Variants in ADAMTS3 observed in about 807,000 individuals in gnomAD.
The protein encoded by ADAMTS3 is ADAM metallopeptidase with thrombospondin type 1 motif 3, also known as A disintegrin and metalloproteinase with thrombospondin motifs 3.
In ADAMTS3, 73 loss-of-function variants were observed where a neutral mutation model predicts 129.0. That is an observed-to-expected ratio of 0.57 (90% CI 0.47 to 0.69). The LOEUF is 0.69. Ranked by LOEUF, ADAMTS3 falls within the 30% of genes least tolerant of loss-of-function variation. The pLI, the probability that ADAMTS3 is intolerant of heterozygous loss-of-function variation, is 0.00. For synonymous variants in ADAMTS3, 477 were observed against 510.8 expected (o/e 0.93, Z 0.89); for missense variants, 1,457 against 1,514.5 (o/e 0.96, Z 0.63).
intron 4 of ADAMTS3, among the ~76,000 whole-genome samples, chr4:72,398,221 C>CA (rs1033348479): frequency 2.6e-5 from 4 of 151,764 alleles, no homozygotes; most frequent in South Asian, 2.1e-4. Context: ...GGGTGCAAAA[C>CA]AAAAAATGTT....
At chr4:72,458,526 G>T (rs1718684267) in intron 3 of ADAMTS3, among the ~76,000 whole-genome samples, 3 of 151,520 alleles carry the variant, frequency 2.0e-5, no homozygotes, top group Non-Finnish European at 4.4e-5. Context: ...AGATGACAAG[G>T]TTTTAAGAAT....
At chr4:72,370,920 T>C (rs565417230) in intron 4 of ADAMTS3, among the ~76,000 whole-genome samples, 1 of 152,356 alleles carries the variant, frequency 6.6e-6, no homozygotes, top group South Asian at 2.1e-4. Context: ...GTGTCATTAC[T>C]GATGTACGCA....
chr4:72,319,766 G>A, intron 8 of ADAMTS3, 92 bp downstream of exon 8: 1 of 1,048,838 alleles, frequency 9.5e-7, no homozygotes, highest in Admixed American at 2.0e-5. Context: ...ATTGTATGCT[G>A]GCATGCATTC....
chr4:72,378,676 T>A (rs542978201), intron 4 of ADAMTS3, among the ~76,000 whole-genome samples: 4 of 152,164 alleles, frequency 2.6e-5, no homozygotes, highest in Admixed American at 2.6e-4. Flanking sequence ...ACAGAAGTTA[T>A]AATGATTATC....
intron 3 of ADAMTS3, among the ~76,000 whole-genome samples, chr4:72,501,155 C>T (rs1207756688): frequency 1.3e-5 from 2 of 152,062 alleles, no homozygotes; most frequent in Non-Finnish European, 2.9e-5. Context: ...TGAAAAATGA[C>T]ATTGGTAGCT....
rs1434751342 is a variant in ADAMTS3 at position 72,425,233 on chromosome 4, T to C, written c.505-10262A>G. 2.0e-5 allele frequency among the ~76,000 whole-genome samples: 3 copies of C among 152,196 alleles called. No individual in the cohort carries two copies. In the East Asian group the frequency reaches 5.8e-4, roughly 29 times the overall value. On this transcript the variant is annotated intron_variant, in intron 3 of 21. Coordinates refer to ENST00000286657, the MANE Select transcript of ADAMTS3 (RefSeq NM_014243.3). ...TTATTCTTAGGAAAATGACAATTCA[T>C]AAGCCTAAATCTTGCTTTTCTTTAA...
At chr4:72,548,264 G>A (rs1448554323) in intron 3 of ADAMTS3, among the ~76,000 whole-genome samples, 3 of 151,874 alleles carry the variant, frequency 2.0e-5, no homozygotes, top group Non-Finnish European at 4.4e-5. Flanking sequence ...TTGGAATAAT[G>A]TCGTCTTCGC....
At chr4:72,556,902 CA>C (rs1335540724) in intron 2 of ADAMTS3, among the ~76,000 whole-genome samples, 1 of 151,686 alleles carries the variant, frequency 6.6e-6, no homozygotes, top group Admixed American at 6.5e-5. Context: ...AGCACCCCTT[CA>C]GGCCTCTCTC....
In ADAMTS3 at chr4:72,476,142, A is replaced by C. The variant is rs77857599; in HGVS notation, c.505-61171T>G. The stretch of plus-strand genomic sequence containing the variant: ...AAATAATAAAGAGCTAAAATCAATA[A>C]ATCAAAAAAGAAAAAATCAATAGAG... On this transcript the variant is annotated intron_variant, in intron 3 of 21. Transcript: ENST00000286657. Among the ~76,000 whole-genome samples the C allele has an allele frequency of 7.2e-3, 1,100 of 152,080 alleles. 7 individuals are homozygous for C. Among genetic ancestry groups the C allele is most frequent in the African/African-American group, 0.025 (1,047 of 41,550 alleles).
chr4:72,339,739 G>C (rs760585685), intron 4 of ADAMTS3, 46 bp from the exon 5 acceptor site: 1 of 1,491,280 alleles, frequency 6.7e-7, no homozygotes, highest in Middle Eastern at 1.9e-4. Context: ...TCCCTAACAG[G>C]CCTTCCAATC....
At chr4:72,482,355 C>A (rs1014521703) in intron 3 of ADAMTS3, among the ~76,000 whole-genome samples, 1 of 151,506 alleles carries the variant, frequency 6.6e-6, no homozygotes, top group African/African-American at 2.4e-5. Flanking sequence ...TTGATGCATA[C>A]AACAACCTGA....
In ADAMTS3 at chr4:72,445,826, T is replaced by C. The variant is rs564391760; in HGVS notation, c.505-30855A>G. ...AAATGCTTTTGCTTGTGTTTATGAA[T>C]CATTAAAGAATGATATCAGTTAAAT... On this transcript the variant is annotated intron_variant, in intron 3 of 21. Coordinates refer to ENST00000286657, the MANE Select transcript of ADAMTS3 (RefSeq NM_014243.3). Among the ~76,000 whole-genome samples, 5 of 151,840 alleles carry C rather than the reference T, an allele frequency of 3.3e-5. No individual in the cohort carries two copies. The South Asian group carries it at 1.0e-3, about 31-fold the overall frequency.
At chr4:72,468,723 T>G (rs1268958062) in intron 3 of ADAMTS3, among the ~76,000 whole-genome samples, 1 of 151,408 alleles carries the variant, frequency 6.6e-6, no homozygotes, top group Non-Finnish European at 1.5e-5. Flanking sequence ...AAAGTTAAAT[T>G]AATAATGTCA....
chr4:72,542,354 T>C (rs1173324572), intron 3 of ADAMTS3, among the ~76,000 whole-genome samples: 6 of 151,986 alleles, frequency 3.9e-5, no homozygotes, highest in East Asian at 1.9e-4. Context: ...ATAGTAGAGA[T>C]AGGGTTTCAC....
In ADAMTS3 at chr4:72,280,974, T is replaced by TTTG. The variant is rs1718324494; in HGVS notation, c.*2159_*2161dup. 1 of 152,622 alleles carries TTTG rather than the reference T, an allele frequency of 6.6e-6. No individual in the cohort carries two copies. The highest frequency in any genetic ancestry group is 2.4e-5 in the African/African-American group (1 of 41,452). 9.5% of individuals were successfully genotyped at this position (152,622 alleles called of 1,614,324 possible). On this transcript the variant is annotated 3_prime_UTR_variant, in exon 22 of 22. Transcript: ENST00000286657. ...AATCTAGATAGAGCCAGATGTATAT[T>TTTG]TTGTTAACATTTTTATTGGTACGTG... is the stretch of plus-strand genomic sequence containing the variant.
At chr4:72,360,015 T>C (rs979659103) in intron 4 of ADAMTS3, among the ~76,000 whole-genome samples, 6 of 152,062 alleles carry the variant, frequency 3.9e-5, no homozygotes, top group African/African-American at 1.2e-4. Flanking sequence ...GCGGCCTATA[T>C]GGAAAAGGCA....
At chr4:72,399,551 G>A (rs565454776) in intron 4 of ADAMTS3, among the ~76,000 whole-genome samples, 40 of 152,250 alleles carry the variant, frequency 2.6e-4, no homozygotes, top group Middle Eastern at 6.8e-3. Flanking sequence ...TAGGTACTGT[G>A]CTAGACCCTT....
chr4:72,295,602 A>G (rs1409039660), intron 19 of ADAMTS3, 52 bp downstream of exon 19: 1 of 1,564,588 alleles, frequency 6.4e-7, no homozygotes, highest in Non-Finnish European at 8.7e-7. Context: ...AGCTAAAGGC[A>G]GTGAAGTCCT....
At chr4:72,313,584 A>C in intron 12 of ADAMTS3, 93 bp downstream of exon 12, 1 of 1,350,312 alleles carries the variant, frequency 7.4e-7, no homozygotes, top group South Asian at 1.4e-5. Context: ...CCTGTGTTTT[A>C]CATGCACTTT....
Sources: allele counts gnomAD v4.1 joint callset (sites outside exome capture counted in the v4.1 genomes callset), GRCh38; gene constraint gnomAD v4.1.1; transcripts MANE v1.5; gene names NCBI Gene and HGNC (gene_info 2026-07-23, HGNC 2026-07-21).